Variants in ALG9 observed in about 807,000 individuals in gnomAD.
The protein encoded by ALG9 is alpha-1,2-mannosyltransferase ALG9.
Under a neutral mutation model 81.8 loss-of-function variants are expected in ALG9, and 55 were observed. The ratio of observed to expected loss-of-function variants is 0.67; its 90% confidence interval spans 0.54 to 0.84. The LOEUF is 0.84. ALG9 is among the 40% of genes least tolerant of loss of function. The pLI, the probability that ALG9 is intolerant of heterozygous loss-of-function variation, is 0.00. For synonymous variants in ALG9, 278 were observed against 274.3 expected, an observed-to-expected ratio of 1.01 and a Z score of -0.13; for missense variants, 629 against 745.0, an observed-to-expected ratio of 0.84 and a Z score of 1.81.
At chr11:111,826,193 C>T (rs1399276666) in intron 13 of ALG9, among the ~76,000 whole-genome samples, 1 of 150,922 alleles carries the variant, frequency 6.6e-6, no homozygotes, top group East Asian at 1.9e-4. Context: ...TGAGACCAGC[C>T]TGGGCAACAT....
At chr11:111,870,165 T>C in intron 2 of ALG9, 67 bp downstream of exon 2, 1 of 1,512,258 alleles carries the variant, frequency 6.6e-7, no homozygotes, top group South Asian at 1.3e-5. Flanking sequence ...TATTTGTCTC[T>C]CGATTGGTAA....
chr11:111,868,930 G>T (rs553271943), intron 2 of ALG9, among the ~76,000 whole-genome samples, 194 bp from the exon 3 acceptor site: 1 of 151,930 alleles, frequency 6.6e-6, no homozygotes, highest in East Asian at 1.9e-4. Context: ...AGACAAGCCT[G>T]GGCAACATAG....
At chr11:111,842,088 G>T (rs1158722762) in intron 9 of ALG9, among the ~76,000 whole-genome samples, 1 of 152,008 alleles carries the variant, frequency 6.6e-6, no homozygotes, top group Non-Finnish European at 1.5e-5. Flanking sequence ...GTGGAGATGG[G>T]GTTTCACAGT....
At chr11:111,778,562 A>C (rs1206652543), downstream of ALG9, among the ~76,000 whole-genome samples, 1 of 152,130 alleles carries the variant, frequency 6.6e-6, no homozygotes, top group East Asian at 1.9e-4. Flanking sequence ...GCCTAGATGA[A>C]GGCCTGGGTA....
intron 13 of ALG9, among the ~76,000 whole-genome samples, chr11:111,833,040 G>A (rs970407271): frequency 6.6e-6 from 1 of 151,972 alleles, no homozygotes; most frequent in East Asian, 1.9e-4. Context: ...TCTTAAAAAA[G>A]AAAGAAAACA....
At chr11:111,830,368 C>T (rs1555112571) in intron 13 of ALG9, among the ~76,000 whole-genome samples, 1 of 152,096 alleles carries the variant, frequency 6.6e-6, no homozygotes, top group East Asian at 1.9e-4. Flanking sequence ...TCTCATATAG[C>T]CTTGCTAAAT....
intron 14 of ALG9, among the ~76,000 whole-genome samples, chr11:111,798,948 A>G (rs1333618482): frequency 6.6e-6 from 1 of 152,216 alleles, no homozygotes; most frequent in Non-Finnish European, 1.5e-5. Flanking sequence ...ATGGTCTAAC[A>G]CCACTTAGCC....
At chr11:111,841,545 A>C (rs1043985844) in intron 9 of ALG9, among the ~76,000 whole-genome samples, 2 of 152,198 alleles carry the variant, frequency 1.3e-5, no homozygotes, top group Non-Finnish European at 2.9e-5. Context: ...GTACATGAGA[A>C]ATGAGAGATA....
intron 13 of ALG9, among the ~76,000 whole-genome samples, chr11:111,822,302 G>A (rs1168571522): frequency 4.7e-5 from 7 of 150,104 alleles, no homozygotes; most frequent in Non-Finnish European, 8.9e-5. Flanking sequence ...CCAGCTACTC[G>A]AGAGGCTGAG....
intron 14 of ALG9, among the ~76,000 whole-genome samples, chr11:111,806,218 C>T (rs1222043888): frequency 2.0e-5 from 3 of 151,986 alleles, no homozygotes; most frequent in African/African-American, 7.3e-5. Flanking sequence ...TTCCTGACAC[C>T]CACCACCAGA....
intron 13 of ALG9, among the ~76,000 whole-genome samples, chr11:111,835,626 G>C (rs1057266565): frequency 6.6e-6 from 1 of 152,176 alleles, no homozygotes; most frequent in African/African-American, 2.4e-5. Flanking sequence ...AAAACTTTCA[G>C]CCTACCCAAA....
At chr11:111,811,879 G>A (rs563367316) in intron 13 of ALG9, among the ~76,000 whole-genome samples, 1 of 150,898 alleles carries the variant, frequency 6.6e-6, no homozygotes, top group African/African-American at 2.4e-5. Context: ...GGGTTTTTTT[G>A]GGGGGGAGGC....
intron 3 of ALG9, among the ~76,000 whole-genome samples, chr11:111,868,273 C>T (rs1555155146): frequency 6.6e-6 from 1 of 152,160 alleles, no homozygotes; most frequent in Non-Finnish European, 1.5e-5. Context: ...ATTAGACCCT[C>T]CTAATATGCT....
In ALG9 at chr11:111,871,579, G is replaced by T. The variant is rs1468377216; in HGVS notation, c.-97C>A. ...AAACGGTGTCCGCCGAGGGACAAAA[G>T]ACCTTGACATGCGCAGAAAATACTA... On this transcript the variant is annotated 5_prime_UTR_variant, in exon 1 of 15. Coordinates refer to ENST00000616540, the MANE Select transcript of ALG9 (RefSeq NM_024740.2). 3.9e-6 allele frequency: 6 copies of T among 1,531,184 alleles called. No individual in the cohort carries two copies. Among genetic ancestry groups the T allele is most frequent in the Non-Finnish European group, 3.5e-6 (4 of 1,144,216 alleles). 94.8% of individuals were successfully genotyped at this position (1,531,184 alleles called of 1,614,324 possible). A position where few individuals can be genotyped will look rare whatever the true frequency, so the allele number is the denominator to read the frequency against.
chr11:111,844,682 T>G lies in ALG9; in HGVS notation c.937A>C (p.Asn313His), dbSNP rs1555127328. Residue 313 changes from asparagine (N) to histidine (H), a missense_variant, in exon 9 of 15, where the codon AAT becomes CAT. Asn to His is a moderately conservative substitution (Grantham distance 68). Transcript: ENST00000616540. ...WYFYLINGFL[N>H]FNVAFALALL... ...GCCAAAGCAAAGGCTACATTGAAAT[T>G]CAGAAATCCATTAATTAAATAGAAA... 1 of 1,614,028 alleles carries G rather than the reference T, an allele frequency of 6.2e-7. No individual in the cohort carries two copies. Among genetic ancestry groups the G allele is most frequent in the South Asian group, 1.1e-5 (1 of 91,082 alleles).
intron 14 of ALG9, among the ~76,000 whole-genome samples, chr11:111,802,199 G>C (rs1198349908): frequency 6.6e-6 from 1 of 152,156 alleles, no homozygotes; most frequent in Non-Finnish European, 1.5e-5. Flanking sequence ...TGTTCCTTCA[G>C]GCTGTGTTGA....
At chr11:111,788,825 T>C (rs781979388) in intron 14 of ALG9, among the ~76,000 whole-genome samples, 4 of 152,108 alleles carry the variant, frequency 2.6e-5, no homozygotes, top group Non-Finnish European at 5.9e-5. Context: ...AACAGAAAGA[T>C]GCAAAATAGA....
intron 13 of ALG9, among the ~76,000 whole-genome samples, chr11:111,824,626 T>C (rs943270710): frequency 6.6e-6 from 1 of 152,242 alleles, no homozygotes; most frequent in Non-Finnish European, 1.5e-5. Context: ...AACATGCTTA[T>C]AAAATCTTTT....
the ALG9 span, among the ~76,000 whole-genome samples, chr11:111,776,451 G>A: frequency 1.5e-4 from 23 of 152,198 alleles, no homozygotes; most frequent in Admixed American, 7.8e-4. Flanking sequence ...TTAGCCAGGC[G>A]TGGTGGCGTA....
Sources: gnomAD v4.1 joint callset for allele counts (sites outside exome capture counted in the v4.1 genomes callset) on GRCh38, gnomAD v4.1.1 for gene constraint, MANE v1.5 for transcripts, NCBI Gene and HGNC (gene_info 2026-07-23, HGNC 2026-07-21) for gene names.